The following MCU variants were observed in gnomAD, a reference collection of about 807,000 sequenced individuals.
The protein encoded by MCU is calcium uniporter protein, mitochondrial.
MCU carries 12 observed loss-of-function variants against 45.2 expected under a neutral mutation model. That is an observed-to-expected ratio of 0.27 (90% confidence interval 0.17 to 0.43). The LOEUF is 0.43. Ranked by LOEUF, MCU falls within the 20% of genes least tolerant of loss-of-function variation. The probability of loss-of-function intolerance (pLI) is 1.00; values close to 1 mark genes in which losing one functional copy is unlikely to be tolerated. For missense variants in MCU, 324 were observed against 436.7 expected, an observed-to-expected ratio of 0.74 and a Z score of 2.30; for synonymous variants, 160 against 165.1, an observed-to-expected ratio of 0.97 and a Z score of 0.24.
rs1845793559 is a variant in MCU at position 72,887,561 on chromosome 10, AGG to A, written c.*1741_*1742del. 1 of 152,778 alleles carries A rather than the reference AGG, an allele frequency of 6.5e-6. No homozygotes were observed. The highest frequency in any genetic ancestry group is 1.5e-5 in the Non-Finnish European group (1 of 68,040). 9.5% of individuals were successfully genotyped at this position (152,778 alleles called of 1,614,324 possible). The stretch of plus-strand genomic sequence containing the variant: ...TTTTGGGGTGTGTGGGAAGCAAGGG[AGG>A]GAGGACATGGAGAAAAGTTCTTTAA... On this transcript the variant is annotated 3_prime_UTR_variant, in exon 8 of 8. Transcript: ENST00000373053.
At chr10:72,818,660 TGAAAACCCTGTCTCTAC>T (rs1844661996) in intron 1 of MCU, among the ~76,000 whole-genome samples, 1 of 151,944 alleles carries the variant, frequency 6.6e-6, no homozygotes, top group African/African-American at 2.4e-5. Context: ...GCCAACGTGG[TGAAAACCCTGTCTCTAC>T]TAAAAATACA....
chr10:72,710,387 T>C (rs1842876382), intron 1 of MCU, among the ~76,000 whole-genome samples: 1 of 151,970 alleles, frequency 6.6e-6, no homozygotes, highest in Non-Finnish European at 1.5e-5. Flanking sequence ...AGATGAAAAG[T>C]AGAGACAATC....
At chr10:72,761,578 CTT>C (rs1163976682) in intron 1 of MCU, among the ~76,000 whole-genome samples, 1 of 152,172 alleles carries the variant, frequency 6.6e-6, no homozygotes, top group Non-Finnish European at 1.5e-5. Flanking sequence ...TGATGACTGA[CTT>C]TGCCCAAATT....
chr10:72,805,303 T>C (rs111316718), intron 1 of MCU, among the ~76,000 whole-genome samples: 7,707 of 149,976 alleles, frequency 0.051, 673 homozygotes, highest in African/African-American at 0.18. Context: ...GGCTGGAGTG[T>C]AGCAGTGTGG....
At chr10:72,766,510 T>C (rs1843728944) in intron 1 of MCU, 1 of 152,218 alleles carries the variant, frequency 6.6e-6, no homozygotes, top group Non-Finnish European at 1.5e-5. Flanking sequence ...ATCTGTACCT[T>C]AGAGCTGCTT....
chr10:72,795,312 T>A (rs984474277), intron 1 of MCU, among the ~76,000 whole-genome samples: 1 of 152,180 alleles, frequency 6.6e-6, no homozygotes, highest in African/African-American at 2.4e-5. Context: ...CCCTTCTCAG[T>A]CAGTGCCACA....
intron 6 of MCU, among the ~76,000 whole-genome samples, chr10:72,874,665 C>T (rs1485138904): frequency 6.6e-6 from 1 of 152,186 alleles, no homozygotes; most frequent in African/African-American, 2.4e-5. Flanking sequence ...CACCTAGTTG[C>T]ATGTCTGGCT....
At chr10:72,700,734 T>C (rs1427755417) in intron 1 of MCU, among the ~76,000 whole-genome samples, 2 of 152,264 alleles carry the variant, frequency 1.3e-5, no homozygotes, top group Admixed American at 6.5e-5. Flanking sequence ...CATCGCATTT[T>C]GACATCTCAA....
chr10:72,866,992 CT>C lies in MCU; in HGVS notation c.497-1707del, dbSNP rs953015979. ...AGACACTGTTGATTGACATAGATGACTTTTGGAACTCAAAGTGCTCTTGCTT... is the reference window on the plus strand; with the variant it reads ...AGACACTGTTGATTGACATAGATGACTTTGGAACTCAAAGTGCTCTTGCTT... On this transcript the variant is annotated intron_variant, in intron 4 of 7. Transcript: ENST00000373053. Among the ~76,000 whole-genome samples the C allele has an allele frequency of 5.3e-5, 8 of 150,594 alleles. No homozygotes were observed. In the Admixed American group the frequency reaches 5.3e-4, roughly 10 times the overall value.
At chr10:72,745,598 CAT>C (rs1414681628) in intron 1 of MCU, among the ~76,000 whole-genome samples, 1 of 152,172 alleles carries the variant, frequency 6.6e-6, no homozygotes, top group African/African-American at 2.4e-5. Context: ...ATGGCAAACA[CAT>C]AGAATTTTCT....
intron 1 of MCU, among the ~76,000 whole-genome samples, chr10:72,824,574 G>A (rs1262800762): frequency 1.3e-5 from 2 of 152,094 alleles, no homozygotes; most frequent in Non-Finnish European, 2.9e-5. Context: ...AGAAATGTAG[G>A]TAGCATGTTT....
Position 72,834,375 on chromosome 10 carries a change from C to T in MCU, c.167C>T (p.Ala56Val). 6.2e-7 allele frequency: 1 copy of T among 1,613,816 alleles called. No homozygotes were observed. Among genetic ancestry groups the T allele is most frequent in the Non-Finnish European group, 8.5e-7 (1 of 1,179,774 alleles). The stretch of plus-strand genomic sequence containing the variant: ...GTTTTCTAGGTACACCAGAGGATCG[C>T]TTCCTGGCAGAATTTGGGAGCTGTT... ...QHHRTVHQRIASWQNLGAVYC... is the reference protein window; with the variant it reads ...QHHRTVHQRIVSWQNLGAVYC... Residue 56 changes from alanine (A) to valine (V), a missense_variant, in exon 2 of 8, where the codon GCT (alanine) becomes GTT (valine). By Grantham distance (64) the Ala-to-Val change is moderately conservative. Transcript: ENST00000373053.
At chr10:72,805,533 C>T (rs1349013459) in intron 1 of MCU, among the ~76,000 whole-genome samples, 1 of 152,074 alleles carries the variant, frequency 6.6e-6, no homozygotes, top group Non-Finnish European at 1.5e-5. Context: ...AGGTGTGAGC[C>T]ACCTCACCCG....
intron 6 of MCU, among the ~76,000 whole-genome samples, chr10:72,873,628 A>G (rs963149325): frequency 6.6e-6 from 1 of 151,948 alleles, no homozygotes. Context: ...CCATCTGTCT[A>G]TTTTGACTTG....
chr10:72,737,664 T>G (rs1280239049), intron 1 of MCU, among the ~76,000 whole-genome samples: 1 of 151,900 alleles, frequency 6.6e-6, no homozygotes, highest in Admixed American at 6.6e-5. Flanking sequence ...GGACTGCAGG[T>G]GCGCACCACT....
chr10:72,801,390 A>T (rs1173727754), intron 1 of MCU, among the ~76,000 whole-genome samples: 1 of 148,824 alleles, frequency 6.7e-6, no homozygotes. Flanking sequence ...TATTTTTTAA[A>T]GTTAGTAATT....
chr10:72,754,735 A>G (rs1843549951), intron 1 of MCU, among the ~76,000 whole-genome samples: 1 of 152,172 alleles, frequency 6.6e-6, no homozygotes, highest in African/African-American at 2.4e-5. Context: ...AACTGCTGGG[A>G]TTACAGGCAT....
At chr10:72,814,002 A>G (rs1477039518) in intron 1 of MCU, among the ~76,000 whole-genome samples, 2 of 152,216 alleles carry the variant, frequency 1.3e-5, no homozygotes, top group Non-Finnish European at 2.9e-5. Context: ...CTAGACCCAA[A>G]GAATTTTAAA....
intron 2 of MCU, among the ~76,000 whole-genome samples, chr10:72,837,184 C>A (rs1334358845): frequency 6.6e-6 from 1 of 151,622 alleles, no homozygotes; most frequent in Non-Finnish European, 1.5e-5. Context: ...AGCAATCTAA[C>A]AGGTTCTAGA....
Sources: gnomAD v4.1 joint callset for allele counts (sites outside exome capture counted in the v4.1 genomes callset) on GRCh38, gnomAD v4.1.1 for gene constraint, MANE v1.5 for transcripts, NCBI Gene and HGNC (gene_info 2026-07-23, HGNC 2026-07-21) for gene names.